Variants in KCNH8 observed in about 807,000 individuals in gnomAD.
KCNH8 encodes potassium voltage-gated channel subfamily H member 8, also known as voltage-gated delayed rectifier potassium channel KCNH8.
KCNH8 carries 70 observed loss-of-function variants against 103.6 expected under a neutral mutation model. That is an observed-to-expected ratio of 0.68 (90% CI 0.56 to 0.82). The LOEUF (loss-of-function observed/expected upper bound fraction) is 0.82. Among genes scored for constraint, KCNH8 ranks in the 40% least tolerant of loss-of-function variants. KCNH8 has a pLI of 0.00. For synonymous variants in KCNH8, 498 were observed against 489.4 expected, an observed-to-expected ratio of 1.02 and a Z score of -0.23; for missense variants, 1,217 against 1,329.9, an observed-to-expected ratio of 0.92 and a Z score of 1.32.
chr3:19,378,877 C>T (rs1321277665), intron 5 of KCNH8, among the ~76,000 whole-genome samples: 1 of 152,148 alleles, frequency 6.6e-6, no homozygotes, highest in Non-Finnish European at 1.5e-5. Context: ...TATGCTATTT[C>T]TTCACAGTCC....
intron 11 of KCNH8, among the ~76,000 whole-genome samples, chr3:19,506,350 G>A (rs865814831): frequency 6.6e-5 from 10 of 152,328 alleles, no homozygotes; most frequent in African/African-American, 2.2e-4. Context: ...GATGTTTTCA[G>A]AGGGCCAAGG....
chr3:19,210,556 C>T (rs1263313852), intron 1 of KCNH8, among the ~76,000 whole-genome samples: 11 of 150,668 alleles, frequency 7.3e-5, no homozygotes, highest in Non-Finnish European at 1.5e-4. Context: ...CCTGAATGCC[C>T]ATTTAAAAAA....
rs553498775 is a variant in KCNH8, at chr3:19,365,480, ATTAT to A, written c.811+17519_811+17522del. Among the ~76,000 whole-genome samples the A allele has an allele frequency of 9.8e-3, 1,148 of 117,460 alleles. 10 individuals are homozygous for A. Among genetic ancestry groups the A allele is most frequent in the African/African-American group, 0.036 (1,069 of 29,446 alleles). The allele number at this position is 117,460 out of a possible 152,430, so 77.1% of individuals were successfully genotyped here. A position where few individuals can be genotyped will look rare whatever the true frequency, so the allele number is the denominator to read the frequency against. ...CTGCATAATATTCCATCATATAATG[ATTAT>A]TTAGTTTATATAACCGCATCTTAAT... On this transcript the variant is annotated intron_variant, in intron 5 of 15. Transcript: ENST00000328405.
At chr3:19,184,614 T>G (rs1224869260) in intron 1 of KCNH8, among the ~76,000 whole-genome samples, 2 of 151,910 alleles carry the variant, frequency 1.3e-5, no homozygotes, top group East Asian at 3.9e-4. Context: ...TTAAATTCTA[T>G]TGTAGTTGAT....
At chr3:19,235,558 C>A (rs1296947746) in intron 1 of KCNH8, among the ~76,000 whole-genome samples, 1 of 152,058 alleles carries the variant, frequency 6.6e-6, no homozygotes, top group African/African-American at 2.4e-5. Context: ...TAATTCTGGA[C>A]GATAGGCCCT....
At chr3:19,353,205 A>G (rs1176314667) in intron 5 of KCNH8, among the ~76,000 whole-genome samples, 1 of 152,204 alleles carries the variant, frequency 6.6e-6, no homozygotes, top group Non-Finnish European at 1.5e-5. Context: ...ATCCCTGAAT[A>G]GACCAATAAC....
At chr3:19,328,322 C>G (rs1480820203) in intron 3 of KCNH8, among the ~76,000 whole-genome samples, 1 of 152,034 alleles carries the variant, frequency 6.6e-6, no homozygotes, top group Admixed American at 6.6e-5. Flanking sequence ...GAAGCATTGT[C>G]TAATGTTTCT....
At position 19,391,240 on chromosome 3, in the gene KCNH8, C is replaced by G. The variant is rs1173183814; in HGVS notation, c.969+602C>G. On this transcript the variant is annotated intron_variant, in intron 6 of 15. Coordinates refer to ENST00000328405, the MANE Select transcript of KCNH8 (RefSeq NM_144633.3). ...GAATTTGCATGAATCTTGGTACCTT[C>G]TTTTTCTTGCTCTAAATCCCTTACC... 2.6e-5 allele frequency among the ~76,000 whole-genome samples: 4 copies of G among 152,140 alleles called. No individual in the cohort carries two copies. In the East Asian group the frequency reaches 5.8e-4, roughly 22 times the overall value.
intron 5 of KCNH8, among the ~76,000 whole-genome samples, chr3:19,358,735 G>T (rs1253726422): frequency 1.3e-5 from 2 of 151,938 alleles, no homozygotes; most frequent in Non-Finnish European, 2.9e-5. Flanking sequence ...ATATGGAGGT[G>T]ATGGTAGGTG....
intron 1 of KCNH8, among the ~76,000 whole-genome samples, chr3:19,239,268 C>T (rs190901288): frequency 2.6e-5 from 4 of 152,046 alleles, no homozygotes; most frequent in Admixed American, 2.6e-4. Context: ...TATGCCATAT[C>T]CAGGCATGTC....
In KCNH8 at chr3:19,533,818, C is replaced by T. The variant is rs187434078; in HGVS notation, c.3043C>T (p.His1015Tyr). The T allele has an allele frequency of 2.5e-6, 4 of 1,614,216 alleles. No homozygotes were observed. The highest frequency in any genetic ancestry group is 3.3e-5 in the Admixed American group (2 of 60,024). ...GCAATTTTTAAGGTGCATCTCTCCA[C>T]ATTCAGATTCTACGTTGACGCCTCT... is the stretch of plus-strand genomic sequence containing the variant. ...HLQFLRCISP[H>Y]SDSTLTPLQS... The change falls in exon 16 of 16, where the codon CAT becomes TAT. Residue 1015 changes from histidine (H) to tyrosine (Y), a missense_variant. Coordinates refer to ENST00000328405, the MANE Select transcript of KCNH8 (RefSeq NM_144633.3).
intron 11 of KCNH8, among the ~76,000 whole-genome samples, chr3:19,464,049 G>C (rs1370442957): frequency 6.6e-6 from 1 of 151,994 alleles, no homozygotes; most frequent in East Asian, 1.9e-4. Flanking sequence ...AATACCAGAG[G>C]ACTTTCTGTA....
intron 7 of KCNH8, among the ~76,000 whole-genome samples, chr3:19,404,180 TCTCAGTAAATGG>T (rs760654769): frequency 4.9e-4 from 75 of 152,056 alleles, no homozygotes; most frequent in Admixed American, 1.9e-3. Flanking sequence ...GTATTTCCTG[TCTCAGTAAATGG>T]CTCAAGCATG....
At chr3:19,335,978 C>T (rs990368710) in intron 3 of KCNH8, among the ~76,000 whole-genome samples, 6 of 151,372 alleles carry the variant, frequency 4.0e-5, no homozygotes, top group African/African-American at 7.3e-5. Context: ...AATTGGCCAC[C>T]TTTTAGAAAA....
At chr3:19,489,593 T>A (rs2068277694) in intron 11 of KCNH8, among the ~76,000 whole-genome samples, 1 of 152,142 alleles carries the variant, frequency 6.6e-6, no homozygotes, top group Non-Finnish European at 1.5e-5. Flanking sequence ...CTAAGTTTTC[T>A]TGGTGTCATA....
chr3:19,271,586 A>C (rs1396456119), intron 2 of KCNH8, among the ~76,000 whole-genome samples: 1 of 152,202 alleles, frequency 6.6e-6, no homozygotes, highest in South Asian at 2.1e-4. Context: ...GAAGCATTAC[A>C]TATACAGGTA....
chr3:19,273,919 T>A (rs907719519), intron 2 of KCNH8, among the ~76,000 whole-genome samples: 13 of 152,196 alleles, frequency 8.5e-5, no homozygotes, highest in African/African-American at 2.9e-4. Flanking sequence ...GGTTCTACTC[T>A]TATTCCTGGT....
intron 1 of KCNH8, among the ~76,000 whole-genome samples, chr3:19,200,764 C>T (rs972696114): frequency 2.0e-5 from 3 of 152,076 alleles, no homozygotes; most frequent in African/African-American, 7.2e-5. Flanking sequence ...CTTTAATACA[C>T]GAAGTTCTCC....
At chr3:19,365,351 G>A (rs955760963) in intron 5 of KCNH8, among the ~76,000 whole-genome samples, 1 of 151,842 alleles carries the variant, frequency 6.6e-6, no homozygotes, top group Non-Finnish European at 1.5e-5. Flanking sequence ...TTTTAATGTA[G>A]TTGTGCTGGT....
Sources: gnomAD v4.1 joint callset for allele counts (sites outside exome capture counted in the v4.1 genomes callset) on GRCh38, gnomAD v4.1.1 for gene constraint, MANE v1.5 for transcripts, NCBI Gene and HGNC (gene_info 2026-07-23, HGNC 2026-07-21) for gene names.